The following ADAMTS3 variants were observed in gnomAD, a reference collection of about 807,000 sequenced individuals.
ADAMTS3 encodes the protein A disintegrin and metalloproteinase with thrombospondin motifs 3.
Under a neutral mutation model 129.0 loss-of-function variants are expected in ADAMTS3, and 73 were observed. The observed-to-expected ratio is 0.57, with a 90% CI of 0.47 to 0.69. The LOEUF is 0.69. ADAMTS3 is among the 30% of genes least tolerant of loss of function. ADAMTS3 has a pLI of 0.00. For synonymous variants in ADAMTS3, 477 were observed against 510.8 expected, an observed-to-expected ratio of 0.93 and a Z score of 0.89; for missense variants, 1,457 against 1,514.5, an observed-to-expected ratio of 0.96 and a Z score of 0.63.
At chr4:72,334,529 T>C (rs1719941021) in intron 5 of ADAMTS3, among the ~76,000 whole-genome samples, 1 of 152,122 alleles carries the variant, frequency 6.6e-6, no homozygotes, top group Non-Finnish European at 1.5e-5. Flanking sequence ...GTCAGGAAAT[T>C]AAAAATTTTA....
chr4:72,494,045 C>T (rs1169795558), intron 3 of ADAMTS3, among the ~76,000 whole-genome samples: 2 of 152,112 alleles, frequency 1.3e-5, no homozygotes, highest in Admixed American at 1.3e-4. Context: ...CAATGTGCCT[C>T]AGTATAGTCT....
intron 4 of ADAMTS3, among the ~76,000 whole-genome samples, chr4:72,345,683 C>T (rs756939202): frequency 6.6e-6 from 1 of 151,986 alleles, no homozygotes; most frequent in Non-Finnish European, 1.5e-5. Flanking sequence ...TCCGTTATTT[C>T]TTTTCCCCAA....
At chr4:72,344,244 T>C (rs77025045) in intron 4 of ADAMTS3, among the ~76,000 whole-genome samples, 7,368 of 152,198 alleles carry the variant, frequency 0.048, 586 homozygotes, top group African/African-American at 0.17. Flanking sequence ...AGGCTTGAAA[T>C]ATTTTTAGGA....
rs181691063 is a variant in ADAMTS3, at chr4:72,476,031, G to A, written c.505-61060C>T. 5.3e-5 allele frequency among the ~76,000 whole-genome samples: 8 copies of A among 151,856 alleles called. No homozygotes were observed. The South Asian group carries it at 6.2e-4, about 12-fold the overall frequency. On this transcript the variant is annotated intron_variant, in intron 3 of 21. Transcript: ENST00000286657. Reference sequence around the variant, plus strand: ...ATACATTAGAAAAAAGAAAAATCTCGAATCAATAAGCTAAGCCCCTACCTG... The same window carrying A: ...ATACATTAGAAAAAAGAAAAATCTCAAATCAATAAGCTAAGCCCCTACCTG...
At chr4:72,497,231 G>A (rs1719894987) in intron 3 of ADAMTS3, among the ~76,000 whole-genome samples, 1 of 151,880 alleles carries the variant, frequency 6.6e-6, no homozygotes, top group African/African-American at 2.4e-5. Flanking sequence ...ATCACTTAAG[G>A]TTACAGAAAT....
chr4:72,388,280 G>A (rs772336760), intron 4 of ADAMTS3, among the ~76,000 whole-genome samples: 5 of 152,168 alleles, frequency 3.3e-5, no homozygotes, highest in African/African-American at 4.8e-5. Flanking sequence ...TATTATACCA[G>A]GTCATACCAC....
intron 3 of ADAMTS3, among the ~76,000 whole-genome samples, chr4:72,462,406 C>T (rs996338280): frequency 2.0e-5 from 3 of 151,982 alleles, no homozygotes; most frequent in Admixed American, 2.0e-4. Flanking sequence ...AAACAATGCG[C>T]AGTCATGAAG....
At chr4:72,530,251 ATATT>A (rs1258761480) in intron 3 of ADAMTS3, among the ~76,000 whole-genome samples, 1 of 81,264 alleles carries the variant, frequency 1.2e-5, no homozygotes, top group African/African-American at 4.9e-5. Context: ...TATATATAAT[ATATT>A]TATATTATAT....
intron 4 of ADAMTS3, among the ~76,000 whole-genome samples, chr4:72,413,069 CTT>C (rs1722219679): frequency 6.6e-6 from 1 of 151,824 alleles, no homozygotes; most frequent in Non-Finnish European, 1.5e-5. Flanking sequence ...TTTCTTGTAA[CTT>C]TATTACTTCA....
In ADAMTS3 at chr4:72,548,639, G is replaced by T; in HGVS notation, c.343C>A (p.Leu115Met). The T allele has an allele frequency of 6.2e-7, 1 of 1,614,020 alleles. No homozygotes were observed. Among genetic ancestry groups the T allele is most frequent in the East Asian group, 2.2e-5 (1 of 44,876 alleles). The change falls in exon 3 of 22, where the codon CTG becomes ATG. Residue 115 changes from leucine to methionine, a missense_variant. By Grantham distance (15) the Leu-to-Met change is conservative. Coordinates refer to ENST00000286657, the MANE Select transcript of ADAMTS3 (RefSeq NM_014243.3). Reference protein sequence around the residue: ...GAVVEWHETSLVPGNITDPIN... With the variant: ...GAVVEWHETSMVPGNITDPIN... ...GGATCGGTTATATTCCCAGGCACCAGAGATGTCTCATGCCACTCCACAACA... is the reference window on the plus strand; with the variant it reads ...GGATCGGTTATATTCCCAGGCACCATAGATGTCTCATGCCACTCCACAACA...
At chr4:72,433,457 C>T (rs1286747639) in intron 3 of ADAMTS3, among the ~76,000 whole-genome samples, 1 of 151,792 alleles carries the variant, frequency 6.6e-6, no homozygotes, top group African/African-American at 2.4e-5. Context: ...AAGACTCGAC[C>T]CTGGTATATT....
At chr4:72,356,496 CTG>C (rs945576835) in intron 4 of ADAMTS3, among the ~76,000 whole-genome samples, 27 of 151,852 alleles carry the variant, frequency 1.8e-4, no homozygotes, top group African/African-American at 6.3e-4. Flanking sequence ...TCAATACTCA[CTG>C]TGCTTTCACA....
At chr4:72,375,803 C>T (rs1323736578) in intron 4 of ADAMTS3, among the ~76,000 whole-genome samples, 1 of 152,006 alleles carries the variant, frequency 6.6e-6, no homozygotes. Flanking sequence ...TTATTTCACT[C>T]CAAAGAAGAA....
intron 3 of ADAMTS3, among the ~76,000 whole-genome samples, chr4:72,537,716 C>T (rs1310388945): frequency 6.6e-6 from 1 of 151,982 alleles, no homozygotes; most frequent in African/African-American, 2.4e-5. Context: ...CAATTTAAAA[C>T]CAAATATCAC....
chr4:72,321,515 T>G (rs2109809643), intron 6 of ADAMTS3, among the ~76,000 whole-genome samples: 1 of 152,266 alleles, frequency 6.6e-6, no homozygotes, highest in South Asian at 2.1e-4. Context: ...AGGTAATAAT[T>G]TTAGTAGTCT....
intron 4 of ADAMTS3, among the ~76,000 whole-genome samples, chr4:72,396,527 C>T (rs1189927615): frequency 6.6e-6 from 1 of 152,122 alleles, no homozygotes; most frequent in African/African-American, 2.4e-5. Context: ...CAAGAAGACA[C>T]TGCAGATGCA....
chr4:72,403,773 C>T (rs1428232700), intron 4 of ADAMTS3, among the ~76,000 whole-genome samples: 1 of 151,866 alleles, frequency 6.6e-6, no homozygotes, highest in Non-Finnish European at 1.5e-5. Flanking sequence ...TTTCAGCAAC[C>T]CTTGAACACA....
At chr4:72,495,729 A>ATG (rs1029368092) in intron 3 of ADAMTS3, among the ~76,000 whole-genome samples, 11 of 151,402 alleles carry the variant, frequency 7.3e-5, no homozygotes, top group African/African-American at 9.7e-5. Context: ...ACAGTAACCT[A>ATG]TATATATTAA....
At chr4:72,354,448 C>T (rs548960490) in intron 4 of ADAMTS3, among the ~76,000 whole-genome samples, 5 of 151,946 alleles carry the variant, frequency 3.3e-5, no homozygotes, top group African/African-American at 9.7e-5. Flanking sequence ...TTTAACCCTA[C>T]TTTTCATTCC....
Sources: allele counts gnomAD v4.1 joint callset (sites outside exome capture counted in the v4.1 genomes callset), GRCh38; gene constraint gnomAD v4.1.1; transcripts MANE v1.5; gene names NCBI Gene and HGNC (gene_info 2026-07-23, HGNC 2026-07-21).